The following SEC23B variants were observed in gnomAD, a reference collection of about 807,000 sequenced individuals.
SEC23B encodes protein transport protein Sec23B.
Under a neutral mutation model 104.3 loss-of-function variants are expected in SEC23B, and 77 were observed. That is an observed-to-expected ratio of 0.74 (90% CI 0.61 to 0.89). The LOEUF is 0.89. Ranked by LOEUF, SEC23B falls within the 40% of genes least tolerant of loss-of-function variation. The pLI, the probability that SEC23B is intolerant of heterozygous loss-of-function variation, is 0.00. For missense variants in SEC23B, 885 were observed against 949.4 expected, an observed-to-expected ratio of 0.93 and a Z score of 0.89; for synonymous variants, 338 against 332.5, an observed-to-expected ratio of 1.02 and a Z score of -0.18.
intron 12 of SEC23B, among the ~76,000 whole-genome samples, chr20:18,538,031 C>T (rs1353734847): frequency 6.6e-6 from 1 of 152,080 alleles, no homozygotes; most frequent in African/African-American, 2.4e-5. Context: ...GCAACCTCCA[C>T]CTCACAGGTT....
intron 15 of SEC23B, among the ~76,000 whole-genome samples, chr20:18,546,582 A>C (rs976997821): frequency 4.6e-5 from 7 of 152,206 alleles, no homozygotes; most frequent in African/African-American, 1.7e-4. Context: ...TAACTTAGGA[A>C]ATAGAGCACA....
chr20:18,557,811 G>T (rs1414345971), intron 19 of SEC23B, among the ~76,000 whole-genome samples: 1 of 146,420 alleles, frequency 6.8e-6, no homozygotes, highest in African/African-American at 2.6e-5. Flanking sequence ...GGAGTGCAAT[G>T]GTGTGATCTC....
chr20:18,526,585 G>A lies in SEC23B; in HGVS notation c.993+54G>A, dbSNP rs2060136454. Reference sequence around the variant, plus strand: ...TCTGAAAGCCCATTGTCAGGTTTGGGCTGCTCTGGAGTGACAGCTACTTTG... The same window carrying A: ...TCTGAAAGCCCATTGTCAGGTTTGGACTGCTCTGGAGTGACAGCTACTTTG... On this transcript the variant is annotated intron_variant, in intron 8 of 19. Transcript: ENST00000650089. 2.5e-6 allele frequency: 4 copies of A among 1,599,544 alleles called. No individual in the cohort carries two copies. In the South Asian group the frequency reaches 3.3e-5, roughly 13 times the overall value.
rs561051914 is a variant in SEC23B, at chr20:18,527,266, C to T, written c.994-230C>T. Among the ~76,000 whole-genome samples the T allele has an allele frequency of 5.3e-5, 8 of 151,926 alleles. 1 individual carries two copies. The South Asian group carries it at 6.3e-4, about 12-fold the overall frequency. On this transcript the variant is annotated intron_variant, in intron 8 of 19. Transcript: ENST00000650089. ...AAAATTTGCTGGGGATGGTGGCGCA[C>T]GCTTTTAATCCCAGCTACTTGGGAG...
At chr20:18,520,737 G>A (rs2060075021) in intron 4 of SEC23B, among the ~76,000 whole-genome samples, 1 of 152,028 alleles carries the variant, frequency 6.6e-6, no homozygotes, top group Admixed American at 6.6e-5. Flanking sequence ...AAGGTAATGT[G>A]GAGTGGGTAG....
At chr20:18,544,024 G>A (rs2060311412) in intron 14 of SEC23B, among the ~76,000 whole-genome samples, 1 of 152,128 alleles carries the variant, frequency 6.6e-6, no homozygotes, top group Non-Finnish European at 1.5e-5. Context: ...CAAAGCTGAC[G>A]CTCACCTCCA....
rs371351742 is a variant in SEC23B at position 18,513,750 on chromosome 20, C to A, written c.279+1468C>A. On this transcript the variant is annotated intron_variant, in intron 3 of 19. Transcript: ENST00000650089. ...TAGAAATCTTAAAAGCATTTCTGCT[C>A]CCTATTACATTTAGGATTAATGTCT... Among the ~76,000 whole-genome samples, 6 of 152,134 alleles carry A rather than the reference C, an allele frequency of 3.9e-5. No homozygotes were observed. In the East Asian group the frequency reaches 9.6e-4, roughly 24 times the overall value.
At chr20:18,560,385 A>G (rs1432104961) in intron 19 of SEC23B, among the ~76,000 whole-genome samples, 7 of 152,266 alleles carry the variant, frequency 4.6e-5, no homozygotes, top group East Asian at 1.9e-4. Context: ...CATCAGGACT[A>G]TGGAGAAGAG....
intron 12 of SEC23B, among the ~76,000 whole-genome samples, chr20:18,538,252 T>TTC (rs2060254886): frequency 7.0e-6 from 1 of 143,276 alleles, no homozygotes; most frequent in Non-Finnish European, 1.6e-5. Context: ...GGAATTTCTT[T>TTC]TTTTTTTTTT....
In SEC23B at chr20:18,524,959, G is replaced by A. The variant is rs2060121565; in HGVS notation, c.628G>A (p.Ala210Thr). The stretch of plus-strand genomic sequence containing the variant: ...GGATATGTTGGGCCTGACCAAGCCA[G>A]CCATGCCCATGCAGCAAGCACGACC... ...IQDMLGLTKP[A>T]MPMQQARPAQ... Residue 210 changes from alanine (A) to threonine (T), a missense_variant, in exon 6 of 20, where the codon GCC (alanine) becomes ACC (threonine). Coordinates refer to ENST00000650089, the MANE Select transcript of SEC23B (RefSeq NM_006363.6). 6.2e-7 allele frequency: 1 copy of A among 1,613,846 alleles called. No homozygotes were observed. The highest frequency in any genetic ancestry group is 1.1e-5 in the South Asian group (1 of 91,070).
At chr20:18,540,159 C>T (rs1277206927) in intron 12 of SEC23B, among the ~76,000 whole-genome samples, 1 of 152,160 alleles carries the variant, frequency 6.6e-6, no homozygotes, top group East Asian at 1.9e-4. Context: ...ATTTTCTTTG[C>T]CCAGATCCAT....
At chr20:18,518,547 A>G (rs1351715157) in intron 4 of SEC23B, among the ~76,000 whole-genome samples, 1 of 150,486 alleles carries the variant, frequency 6.6e-6, no homozygotes, top group Non-Finnish European at 1.5e-5. Flanking sequence ...ATGAAATGAC[A>G]ACAGAATAGA....
At position 18,543,015 on chromosome 20, in the gene SEC23B, TC is replaced by T. The variant is rs1204924249; in HGVS notation, c.1512-3del. On this transcript the variant is annotated splice_region_variant and splice_polypyrimidine_tract_variant and intron_variant, in intron 13 of 19. Coordinates refer to ENST00000650089, the MANE Select transcript of SEC23B (RefSeq NM_006363.6). ...AAGCATGGCACTAACTCTGGAATTGTCAGTTGGGCAGATGTACAGAGTCAGC... is the reference window on the plus strand; with the variant it reads ...AAGCATGGCACTAACTCTGGAATTGTAGTTGGGCAGATGTACAGAGTCAGC... 4 of 1,614,136 alleles carry T rather than the reference TC, an allele frequency of 2.5e-6. No homozygotes were observed. The highest frequency in any genetic ancestry group is 3.3e-4 in the Middle Eastern group (2 of 6,062).
intron 19 of SEC23B, among the ~76,000 whole-genome samples, chr20:18,557,471 C>T (rs1164475709): frequency 6.6e-6 from 1 of 152,106 alleles, no homozygotes; most frequent in South Asian, 2.1e-4. Flanking sequence ...ATATGCATAA[C>T]TTATCACAGT....
chr20:18,532,826 G>T, intron 11 of SEC23B, 82 bp downstream of exon 11: 1 of 992,102 alleles, frequency 1.0e-6, no homozygotes, highest in Non-Finnish European at 1.6e-6. Context: ...GATCTCACAT[G>T]TGTCACCTGT....
In SEC23B at chr20:18,524,481, C is replaced by T; in HGVS notation, c.415C>T (p.Leu139=). Residue 139 remains leucine (L), a synonymous_variant, in exon 5 of 20, where the codon CTG becomes TTG. Transcript: ENST00000650089. ...LIFLYVVDTC[L]EEDDLQALKE... ...CTTTCTCTATGTGGTTGACACATGC[C>T]TGGAGGAAGATGACCTTCAAGCACT... 1.2e-6 allele frequency: 2 copies of T among 1,614,172 alleles called. No homozygotes were observed. The highest frequency in any genetic ancestry group is 1.7e-6 in the Non-Finnish European group (2 of 1,180,040).
chr20:18,526,228 A>G (rs935120853), intron 7 of SEC23B, 145 bp from the exon 8 acceptor site: 6 of 968,802 alleles, frequency 6.2e-6, no homozygotes, highest in African/African-American at 1.6e-5. Flanking sequence ...GCTTTTCTGC[A>G]TTATCATCTG....
intron 4 of SEC23B, 100 bp downstream of exon 4, chr20:18,515,836 G>T: frequency 1.3e-6 from 1 of 787,570 alleles, no homozygotes; most frequent in Non-Finnish European, 2.2e-6. Context: ...GGGACTTAAA[G>T]CTGTGAGGGC....
At chr20:18,542,476 G>C (rs2122123982) in intron 13 of SEC23B, 74 bp downstream of exon 13, 1 of 1,332,896 alleles carries the variant, frequency 7.5e-7, no homozygotes, top group East Asian at 2.3e-5. Context: ...TTTAACATTT[G>C]TTAGTTTGTC....
Sources: gnomAD v4.1 joint callset for allele counts (sites outside exome capture counted in the v4.1 genomes callset) on GRCh38, gnomAD v4.1.1 for gene constraint, MANE v1.5 for transcripts, NCBI Gene and HGNC (gene_info 2026-07-23, HGNC 2026-07-21) for gene names.